SEMA6A: variants seen among roughly 807,000 people sequenced by gnomAD.
SEMA6A encodes semaphorin-6A.
Under a neutral mutation model 96.8 loss-of-function variants are expected in SEMA6A, and 25 were observed. The observed-to-expected ratio is 0.26, with a 90% CI of 0.19 to 0.36. SEMA6A has a LOEUF of 0.36. Among genes scored for constraint, SEMA6A ranks in the 10% least tolerant of loss-of-function variants. The pLI is 1.00. For synonymous variants in SEMA6A, 612 were observed against 518.0 expected, an observed-to-expected ratio of 1.18 and a Z score of -2.46; for missense variants, 1,363 against 1,323.1, an observed-to-expected ratio of 1.03 and a Z score of -0.47.
rs1755851589 is a variant in SEMA6A at position 116,467,722 on chromosome 5, G to A, written c.1755C>T (p.Ser585=). ...LNGHSSSLLP[S]TTTSDSTAQE... ...GAGCCGTCGAATCTGATGTGGTTGT[G>A]CTGGGCAAGAGGGAACTGGAATGCC... The change falls in exon 18 of 19, where the codon AGC becomes AGT. Residue 585 remains serine (S), a synonymous_variant. Coordinates refer to ENST00000343348, the MANE Select transcript of SEMA6A (RefSeq NM_020796.5). The A allele has an allele frequency of 2.5e-6, 4 of 1,613,784 alleles. No individual in the cohort carries two copies. Among genetic ancestry groups the A allele is most frequent in the Non-Finnish European group, 3.4e-6 (4 of 1,179,826 alleles).
At chr5:116,540,980 A>G (rs1759936362) in intron 1 of SEMA6A, among the ~76,000 whole-genome samples, 1 of 152,208 alleles carries the variant, frequency 6.6e-6, no homozygotes. Flanking sequence ...AGAATTCACA[A>G]TCATGATAAT....
chr5:116,527,099 G>C (rs1018428308), intron 1 of SEMA6A, among the ~76,000 whole-genome samples: 1 of 152,074 alleles, frequency 6.6e-6, no homozygotes, highest in Non-Finnish European at 1.5e-5. Flanking sequence ...GATATAGCTG[G>C]CCCCGAATCT....
intron 1 of SEMA6A, among the ~76,000 whole-genome samples, chr5:116,524,088 A>T (rs532612326): frequency 6.6e-6 from 1 of 152,300 alleles, no homozygotes; most frequent in African/African-American, 2.4e-5. Flanking sequence ...GGCATACAGA[A>T]ACTTCTTTTC....
At chr5:116,550,844 T>C (rs556602443) in intron 1 of SEMA6A, among the ~76,000 whole-genome samples, 94 of 152,170 alleles carry the variant, frequency 6.2e-4, no homozygotes, top group Non-Finnish European at 1.2e-3. Flanking sequence ...CACAATCACC[T>C]GATGGGCATT....
rs935117529 is a variant in SEMA6A at position 116,447,273 on chromosome 5, G to A, written c.2433C>T (p.His811=). The A allele has an allele frequency of 6.2e-7, 1 of 1,613,920 alleles. No homozygotes were observed. The highest frequency in any genetic ancestry group is 8.5e-7 in the Non-Finnish European group (1 of 1,179,912). Residue 811 remains histidine, a synonymous_variant, in exon 19 of 19, where the codon CAC becomes CAT. Coordinates refer to ENST00000343348, the MANE Select transcript of SEMA6A (RefSeq NM_020796.5). ...TGGGCAGGACCACCACGCTGGGGATGTGGCTGGGGGAGGCCCGCAGGGGCA... is the reference window on the plus strand; with the variant it reads ...TGGGCAGGACCACCACGCTGGGGATATGGCTGGGGGAGGCCCGCAGGGGCA... ...TDLPLRASPS[H]IPSVVVLPIT...
chr5:116,545,368 G>T (rs548371288), intron 1 of SEMA6A, among the ~76,000 whole-genome samples: 1 of 152,060 alleles, frequency 6.6e-6, no homozygotes, highest in Non-Finnish European at 1.5e-5. Context: ...TCAGGAGTTC[G>T]AGACAAGCCT....
chr5:116,464,410 A>G (rs1755602203), intron 18 of SEMA6A, among the ~76,000 whole-genome samples: 1 of 152,224 alleles, frequency 6.6e-6, no homozygotes, highest in African/African-American at 2.4e-5. Flanking sequence ...GACAAGAGAC[A>G]TTAGACAAGG....
Position 116,503,328 on chromosome 5 carries a change from C to A in SEMA6A, c.101-1001G>T, listed in dbSNP as rs1036744737. On this transcript the variant is annotated intron_variant, in intron 2 of 18. Transcript: ENST00000343348. ...CTCACAGTGGGTATCTTATCAGGAGCCTTACTATATTTTATTTACAAGGGA... is the reference window on the plus strand; with the variant it reads ...CTCACAGTGGGTATCTTATCAGGAGACTTACTATATTTTATTTACAAGGGA... 3.9e-5 allele frequency among the ~76,000 whole-genome samples: 6 copies of A among 152,192 alleles called. 2 individuals are homozygous for A. The highest frequency in any genetic ancestry group is 1.3e-4 in the Admixed American group (2 of 15,290).
chr5:116,455,588 T>C (rs979510136), intron 18 of SEMA6A, among the ~76,000 whole-genome samples: 27 of 152,332 alleles, frequency 1.8e-4, no homozygotes, highest in African/African-American at 6.5e-4. Flanking sequence ...GTGGACCTCC[T>C]TAAAAAATTG....
chr5:116,520,266 T>C (rs1477926778), intron 1 of SEMA6A, among the ~76,000 whole-genome samples: 1 of 151,970 alleles, frequency 6.6e-6, no homozygotes, highest in Non-Finnish European at 1.5e-5. Flanking sequence ...TTTTTTTTTT[T>C]TTTTTCATCA....
chr5:116,456,416 G>C (rs1483915849), intron 18 of SEMA6A, among the ~76,000 whole-genome samples: 1 of 152,146 alleles, frequency 6.6e-6, no homozygotes, highest in Non-Finnish European at 1.5e-5. Flanking sequence ...TTTACTGTGG[G>C]TATCATGCTC....
chr5:116,523,651 A>C (rs1313657089), intron 1 of SEMA6A, among the ~76,000 whole-genome samples: 1 of 152,118 alleles, frequency 6.6e-6, no homozygotes, highest in African/African-American at 2.4e-5. Flanking sequence ...AATATGCATA[A>C]AACTGAGTAT....
chr5:116,509,448 G>A (rs575874082), intron 1 of SEMA6A, among the ~76,000 whole-genome samples: 6 of 152,278 alleles, frequency 3.9e-5, no homozygotes, highest in South Asian at 2.1e-4. Flanking sequence ...CATTAATGGC[G>A]TTGACCTTGG....
intron 2 of SEMA6A, chr5:116,502,536 G>C (rs1378298242): frequency 5.6e-6 from 3 of 532,616 alleles, no homozygotes; most frequent in Non-Finnish European, 1.0e-5. Context: ...TTCATTTCTA[G>C]ATAATTATAA....
At chr5:116,459,939 CA>C (rs1188233513) in intron 18 of SEMA6A, among the ~76,000 whole-genome samples, 2 of 152,074 alleles carry the variant, frequency 1.3e-5, no homozygotes, top group African/African-American at 4.8e-5. Context: ...AAAAAAGAAA[CA>C]AAGGAAAGGT....
At chr5:116,563,245 C>G (rs1376900073) in intron 1 of SEMA6A, among the ~76,000 whole-genome samples, 1 of 152,144 alleles carries the variant, frequency 6.6e-6, no homozygotes, top group Non-Finnish European at 1.5e-5. Context: ...GGAATGGCCT[C>G]GAATCCAGCC....
chr5:116,479,920 A>G (rs1756665995), intron 12 of SEMA6A, among the ~76,000 whole-genome samples: 1 of 152,214 alleles, frequency 6.6e-6, no homozygotes, highest in South Asian at 2.1e-4. Context: ...AACTAGCCTG[A>G]AAATATTGGA....
At chr5:116,531,610 G>C (rs965424364) in intron 1 of SEMA6A, among the ~76,000 whole-genome samples, 1 of 152,104 alleles carries the variant, frequency 6.6e-6, no homozygotes, top group African/African-American at 2.4e-5. Context: ...TTGGGGGAAG[G>C]GGGTTCTTGT....
At chr5:116,491,892 G>C in intron 6 of SEMA6A, 62 bp from the exon 7 acceptor site, 1 of 1,354,018 alleles carries the variant, frequency 7.4e-7, no homozygotes, top group Non-Finnish European at 1.1e-6. Context: ...TAAACCCTCA[G>C]AAATAATTTC....
Sources: allele counts gnomAD v4.1 joint callset (sites outside exome capture counted in the v4.1 genomes callset), GRCh38; gene constraint gnomAD v4.1.1; transcripts MANE v1.5; gene names NCBI Gene and HGNC (gene_info 2026-07-23, HGNC 2026-07-21).